Variants in ENAH observed in about 807,000 individuals in gnomAD.
The protein encoded by ENAH is ENAH actin regulator, also known as protein enabled homolog.
A neutral mutation model predicts 78.7 loss-of-function variants in ENAH; 23 were observed. The ratio of observed to expected loss-of-function variants is 0.29; its 90% CI spans 0.21 to 0.41. The LOEUF (loss-of-function observed/expected upper bound fraction) is 0.41, where lower values mean the gene tolerates loss of function less well. Among genes scored for constraint, ENAH ranks in the 10% least tolerant of loss-of-function variants. The pLI is 1.00. For synonymous variants in ENAH, 226 were observed against 241.0 expected (o/e 0.94, Z 0.58); for missense variants, 544 against 691.0 (o/e 0.79, Z 2.39).
chr1:225,563,272 T>G (rs2096717619), intron 2 of ENAH, among the ~76,000 whole-genome samples: 1 of 152,186 alleles, frequency 6.6e-6, no homozygotes, highest in Non-Finnish European at 1.5e-5. Flanking sequence ...TTCTTACTGC[T>G]TCTATTTCTT....
At chr1:225,560,004 T>C (rs2096692380) in intron 2 of ENAH, among the ~76,000 whole-genome samples, 1 of 152,190 alleles carries the variant, frequency 6.6e-6, no homozygotes. Context: ...GAAGCAGGAC[T>C]AGCCCAGAAA....
chr1:225,497,808 G>A lies in ENAH; in HGVS notation c.1680C>T (p.Ile560=), dbSNP rs778930669. Residue 560 remains isoleucine, a synonymous_variant, in exon 14 of 14, where the codon ATC becomes ATT. Transcript: ENST00000366843. The stretch of plus-strand genomic sequence containing the variant: ...TATTTGACTTGCTCAGTTCCTGCCT[G>A]ATTGCTGGATGGAAAAGAACAAGTA... ...TKLKEELIDA[I]RQELSKSNTA 98 of 1,611,644 alleles carry A rather than the reference G, an allele frequency of 6.1e-5. No individual in the cohort carries two copies. In the South Asian group the frequency reaches 1.0e-3, roughly 17 times the overall value.
chr1:225,605,059 T>C (rs2096950174), intron 1 of ENAH, among the ~76,000 whole-genome samples: 1 of 152,236 alleles, frequency 6.6e-6, no homozygotes, highest in Non-Finnish European at 1.5e-5. Context: ...CAGATTACAC[T>C]TCTGTAGGTT....
rs1420874729 is a variant in ENAH, at chr1:225,494,860, G to C, written c.*2915C>G. 1 of 152,618 alleles carries C rather than the reference G, an allele frequency of 6.6e-6. No individual in the cohort carries two copies. Among genetic ancestry groups the C allele is most frequent in the Non-Finnish European group, 1.5e-5 (1 of 68,026 alleles). 9.5% of individuals were successfully genotyped at this position (152,618 alleles called of 1,614,324 possible). On this transcript the variant is annotated 3_prime_UTR_variant, in exon 14 of 14. Transcript: ENST00000366843. ...TCAATCGCACAAACGAAGTTAGCGT[G>C]TAGGAAACTTAAATGAAACAAATTT...
At position 225,514,873 on chromosome 1, in the gene ENAH, G is replaced by A; in HGVS notation, c.941C>T (p.Pro314Leu). 6.2e-7 allele frequency: 1 copy of A among 1,609,558 alleles called. No homozygotes were observed. The highest frequency in any genetic ancestry group is 8.5e-7 in the Non-Finnish European group (1 of 1,178,876). The change falls in exon 7 of 14, where the codon CCA becomes CTA. Residue 314 changes from proline (P) to leucine (L), a missense_variant. Transcript: ENST00000366843. ...QGIVLGPLAPPPPPPLPPGPA... is the reference protein window; with the variant it reads ...QGIVLGPLAPLPPPPLPPGPA... Reference sequence around the variant, plus strand: ...CCCTGGTGGGAGTGGTGGAGGAGGTGGAGGTGCAAGTGGTCCCAAGACAAT... The same window carrying A: ...CCCTGGTGGGAGTGGTGGAGGAGGTAGAGGTGCAAGTGGTCCCAAGACAAT...
intron 3 of ENAH, among the ~76,000 whole-genome samples, chr1:225,550,301 G>A (rs972612834): frequency 2.0e-5 from 3 of 152,054 alleles, no homozygotes; most frequent in African/African-American, 4.8e-5. Flanking sequence ...CACTACATTC[G>A]CAAGCTGTAT....
chr1:225,525,059 A>G (rs963988041), intron 4 of ENAH, among the ~76,000 whole-genome samples: 2 of 152,208 alleles, frequency 1.3e-5, no homozygotes, highest in African/African-American at 4.8e-5. Flanking sequence ...CCTCTTACTA[A>G]CGCTCACCAC....
At chr1:225,591,029 A>C (rs928151454) in intron 1 of ENAH, among the ~76,000 whole-genome samples, 1 of 152,236 alleles carries the variant, frequency 6.6e-6, no homozygotes, top group African/African-American at 2.4e-5. Context: ...ACTATTAAAG[A>C]CAGCTTATTA....
chr1:225,513,244 T>C (rs1160824567), intron 7 of ENAH, among the ~76,000 whole-genome samples: 1 of 152,212 alleles, frequency 6.6e-6, no homozygotes, highest in Non-Finnish European at 1.5e-5. Flanking sequence ...CATGTATCTC[T>C]TCCTGTGCTG....
chr1:225,566,430 G>A (rs992949615), intron 2 of ENAH, among the ~76,000 whole-genome samples: 1 of 152,036 alleles, frequency 6.6e-6, no homozygotes, highest in Non-Finnish European at 1.5e-5. Flanking sequence ...CACAATGTAG[G>A]GGAAACCTAG....
chr1:225,566,066 G>A (rs1394445110), intron 2 of ENAH, among the ~76,000 whole-genome samples: 1 of 151,972 alleles, frequency 6.6e-6, no homozygotes, highest in Non-Finnish European at 1.5e-5. Flanking sequence ...AACAGTTTCA[G>A]TGCTCTACAA....
chr1:225,622,818 A>G (rs1369185821), intron 1 of ENAH, among the ~76,000 whole-genome samples: 7 of 152,218 alleles, frequency 4.6e-5, no homozygotes, highest in African/African-American at 1.2e-4. Flanking sequence ...ACAAGCCTTA[A>G]GCATGTAAGG....
At chr1:225,620,213 C>T (rs532975063) in intron 1 of ENAH, among the ~76,000 whole-genome samples, 9 of 151,950 alleles carry the variant, frequency 5.9e-5, no homozygotes, top group East Asian at 5.8e-4. Flanking sequence ...TGACCACCAG[C>T]GGTTTCAACA....
chr1:225,569,117 A>G (rs1272264749), intron 1 of ENAH, among the ~76,000 whole-genome samples: 1 of 152,240 alleles, frequency 6.6e-6, no homozygotes, highest in Non-Finnish European at 1.5e-5. Flanking sequence ...GATGACATTT[A>G]CATAACCCTA....
At chr1:225,641,996 G>C (rs1316117424) in intron 1 of ENAH, among the ~76,000 whole-genome samples, 3 of 151,846 alleles carry the variant, frequency 2.0e-5, no homozygotes, top group African/African-American at 7.3e-5. Flanking sequence ...ACTCCGGCCT[G>C]GGGGACACAG....
At chr1:225,642,116 G>A (rs1233039034) in intron 1 of ENAH, among the ~76,000 whole-genome samples, 2 of 150,590 alleles carry the variant, frequency 1.3e-5, no homozygotes, top group African/African-American at 2.4e-5. Flanking sequence ...TGGGAGGACT[G>A]TTTGAACCCA....
chr1:225,620,384 G>A (rs894591065), intron 1 of ENAH, among the ~76,000 whole-genome samples: 12 of 151,752 alleles, frequency 7.9e-5, no homozygotes, highest in Admixed American at 1.3e-4. Flanking sequence ...AAATTAGCTG[G>A]GCGTGGTGCC....
chr1:225,560,364 T>C (rs199665867), intron 2 of ENAH, among the ~76,000 whole-genome samples: 1 of 151,940 alleles, frequency 6.6e-6, no homozygotes, highest in East Asian at 1.9e-4. Flanking sequence ...TGGTGGCACA[T>C]GCCTGTAATC....
chr1:225,615,902 C>G (rs916554173), intron 1 of ENAH, among the ~76,000 whole-genome samples: 1 of 152,118 alleles, frequency 6.6e-6, no homozygotes, highest in South Asian at 2.1e-4. Flanking sequence ...GGGAAATGTG[C>G]GGAAAAGAAA....
Sources: allele counts gnomAD v4.1 joint callset (sites outside exome capture counted in the v4.1 genomes callset), GRCh38; gene constraint gnomAD v4.1.1; transcripts MANE v1.5; gene names NCBI Gene and HGNC (gene_info 2026-07-23, HGNC 2026-07-21).